The following CNNM2 variants were observed in gnomAD, a reference collection of about 807,000 sequenced individuals.
CNNM2 encodes the protein cyclin and CBS domain divalent metal cation transport mediator 2, also known as metal transporter CNNM2.
CNNM2 carries 12 observed loss-of-function variants against 66.9 expected under a neutral mutation model. The observed-to-expected ratio is 0.18, with a 90% CI of 0.11 to 0.29. The LOEUF (loss-of-function observed/expected upper bound fraction) is 0.29, where lower values mean the gene tolerates loss of function less well. CNNM2 is among the 10% of genes least tolerant of loss of function. CNNM2 has a pLI of 1.00. For synonymous variants in CNNM2, 557 were observed against 501.8 expected (o/e 1.11, Z -1.47); for missense variants, 705 against 1,167.7 (o/e 0.60, Z 5.77).
At chr10:102,978,874 T>C (rs916601751) in intron 1 of CNNM2, among the ~76,000 whole-genome samples, 2 of 152,232 alleles carry the variant, frequency 1.3e-5, no homozygotes, top group Non-Finnish European at 2.9e-5. Flanking sequence ...TCGTACAATA[T>C]GTACTGTATT....
At chr10:102,925,472 A>G (rs1293338733) in intron 1 of CNNM2, among the ~76,000 whole-genome samples, 1 of 152,142 alleles carries the variant, frequency 6.6e-6, no homozygotes, top group Non-Finnish European at 1.5e-5. Context: ...AAACTGGTCT[A>G]GTCAGCCCCT....
intron 4 of CNNM2, among the ~76,000 whole-genome samples, chr10:103,065,390 T>A (rs2065459428): frequency 2.0e-5 from 3 of 152,188 alleles, no homozygotes; most frequent in Non-Finnish European, 1.5e-5. Context: ...AATCTCTGCT[T>A]TGAGTGTGCA....
rs748415432 is a variant in CNNM2, at chr10:102,927,417, A to G, written c.1621+7316A>G. On this transcript the variant is annotated intron_variant, in intron 1 of 7. Coordinates refer to ENST00000369878, the MANE Select transcript of CNNM2 (RefSeq NM_017649.5). Reference sequence around the variant, plus strand: ...ACAATAAGAAGCATTCTTTCTTTCAACATCACAGACATTGGCAACTCTAGG... The same window carrying G: ...ACAATAAGAAGCATTCTTTCTTTCAGCATCACAGACATTGGCAACTCTAGG... The G allele has an allele frequency of 1.0e-4, 164 of 1,613,010 alleles. 1 individual carries two copies. The East Asian group carries it at 1.7e-3, about 16-fold the overall frequency.
chr10:103,068,566 G>C, intron 4 of CNNM2, 63 bp from the exon 5 acceptor site: 8 of 1,313,646 alleles, frequency 6.1e-6, no homozygotes, highest in Non-Finnish European at 8.6e-6. Context: ...ACCAAATATT[G>C]TACAGAGTGT....
At chr10:103,056,390 C>A (rs967011479) in intron 3 of CNNM2, among the ~76,000 whole-genome samples, 1 of 152,102 alleles carries the variant, frequency 6.6e-6, no homozygotes, top group South Asian at 2.1e-4. Context: ...TGTGTGTGTG[C>A]GCTGGCACTA....
intron 7 of CNNM2, 64 bp downstream of exon 7, chr10:103,076,334 GTC>G: frequency 1.3e-6 from 2 of 1,507,156 alleles, no homozygotes; most frequent in East Asian, 4.9e-5. Context: ...CTGGCAAATT[GTC>G]TGTTTTGCTC....
intron 1 of CNNM2, among the ~76,000 whole-genome samples, chr10:102,926,029 T>C (rs1308898650): frequency 6.6e-6 from 1 of 152,216 alleles, no homozygotes; most frequent in Non-Finnish European, 1.5e-5. Flanking sequence ...GTGAGAGTAA[T>C]GATGATTGGA....
intron 3 of CNNM2, among the ~76,000 whole-genome samples, chr10:103,056,114 AAAAAG>A (rs71946380): frequency 0.093 from 14,181 of 151,954 alleles, 859 homozygotes; most frequent in East Asian, 0.28. Context: ...TAAATTAAAA[AAAAAG>A]AAAACTAAAA....
intron 1 of CNNM2, among the ~76,000 whole-genome samples, chr10:103,019,054 G>A (rs2064515453): frequency 6.6e-6 from 1 of 151,406 alleles, no homozygotes. Context: ...GATCACTTGA[G>A]CCCAGGAGTT....
intron 1 of CNNM2, among the ~76,000 whole-genome samples, chr10:102,930,954 C>T (rs894032822): frequency 1.3e-5 from 2 of 152,100 alleles, no homozygotes; most frequent in Admixed American, 6.5e-5. Flanking sequence ...ATGGGCATTT[C>T]GATTGTTTCC....
At position 103,016,151 on chromosome 10, in the gene CNNM2, G is replaced by A. The variant is rs7914558; in HGVS notation, c.1622-33556G>A. Among the ~76,000 whole-genome samples the A allele has an allele frequency of 0.41, 61,531 of 151,480 alleles. 12,724 individuals carry two copies. Among genetic ancestry groups the A allele is most frequent in the East Asian group, 0.56 (2,857 of 5,110 alleles). ...CCCCAAGCCCCCCGCTTCCCCCAAG[G>A]CTAGAATCAGCTATTCTCCATGGAG... On this transcript the variant is annotated intron_variant, in intron 1 of 7. Coordinates refer to ENST00000369878, the MANE Select transcript of CNNM2 (RefSeq NM_017649.5).
intron 3 of CNNM2, among the ~76,000 whole-genome samples, chr10:103,055,688 G>A (rs2065283329): frequency 6.6e-6 from 1 of 152,194 alleles, no homozygotes. Flanking sequence ...AGTTAATACA[G>A]AACTTACAGC....
chr10:103,017,742 G>A (rs1165945882), intron 1 of CNNM2, among the ~76,000 whole-genome samples: 3 of 151,916 alleles, frequency 2.0e-5, no homozygotes, highest in Admixed American at 6.6e-5. Flanking sequence ...GAGGCAGGTG[G>A]ATCACCTGAG....
intron 4 of CNNM2, among the ~76,000 whole-genome samples, chr10:103,067,014 T>C (rs2065490292): frequency 1.3e-5 from 2 of 152,116 alleles, no homozygotes. Flanking sequence ...GTAGTTCTTC[T>C]CCTGAAGCTA....
intron 7 of CNNM2, 72 bp downstream of exon 7, chr10:103,076,342 T>G: frequency 6.8e-7 from 1 of 1,464,060 alleles, no homozygotes; most frequent in Non-Finnish European, 9.3e-7. Flanking sequence ...TTGTCTGTTT[T>G]GCTCCTTGCC....
chr10:102,977,792 T>G (rs1302522501), intron 1 of CNNM2, among the ~76,000 whole-genome samples: 1 of 152,098 alleles, frequency 6.6e-6, no homozygotes, highest in Admixed American at 6.5e-5. Flanking sequence ...CTGTCTACTT[T>G]TTTTTGTTTT....
At chr10:103,055,862 G>A (rs768833222) in intron 3 of CNNM2, among the ~76,000 whole-genome samples, 17 of 152,018 alleles carry the variant, frequency 1.1e-4, no homozygotes, top group Non-Finnish European at 1.2e-4. Flanking sequence ...AGCTCTTGGC[G>A]GGGCCAAGGC....
chr10:102,945,741 A>G (rs1421435637), intron 1 of CNNM2, among the ~76,000 whole-genome samples: 2 of 152,090 alleles, frequency 1.3e-5, no homozygotes, highest in East Asian at 1.9e-4. Flanking sequence ...CCTGCAGGCT[A>G]TGTTAGGTAC....
chr10:102,982,508 T>C (rs1564831130), intron 1 of CNNM2, among the ~76,000 whole-genome samples: 1 of 152,250 alleles, frequency 6.6e-6, no homozygotes, highest in Non-Finnish European at 1.5e-5. Context: ...AGGAAAAACA[T>C]AGACCATTAC....
Sources: allele counts gnomAD v4.1 joint callset (sites outside exome capture counted in the v4.1 genomes callset), GRCh38; gene constraint gnomAD v4.1.1; transcripts MANE v1.5; gene names NCBI Gene and HGNC (gene_info 2026-07-23, HGNC 2026-07-21).